RBMS3: variants seen among roughly 807,000 people sequenced by gnomAD.
RBMS3 encodes the protein RNA-binding motif, single-stranded-interacting protein 3.
In RBMS3, 27 loss-of-function variants were observed where a neutral mutation model predicts 66.8. That is an observed-to-expected ratio of 0.40 (90% CI 0.30 to 0.56). RBMS3 has a LOEUF of 0.56. Among genes scored for constraint, RBMS3 ranks in the 20% least tolerant of loss-of-function variants. The probability of loss-of-function intolerance (pLI) is 0.40; values close to 1 mark genes in which losing one functional copy is unlikely to be tolerated. For synonymous variants in RBMS3, 188 were observed against 183.0 expected (o/e 1.03, Z -0.22); for missense variants, 513 against 549.5 (o/e 0.93, Z 0.66).
intron 1 of RBMS3, among the ~76,000 whole-genome samples, chr3:29,300,200 A>G (rs1441475254): frequency 6.6e-6 from 1 of 151,994 alleles, no homozygotes; most frequent in Non-Finnish European, 1.5e-5. Context: ...ACTTTCACTC[A>G]TTGTTCATCC....
intron 1 of RBMS3, among the ~76,000 whole-genome samples, chr3:29,347,052 G>T (rs2036618500): frequency 1.3e-5 from 2 of 152,056 alleles, no homozygotes; most frequent in Admixed American, 6.6e-5. Flanking sequence ...AATGCCTTTG[G>T]CTACATGAAC....
chr3:29,364,802 T>A (rs1002690672), intron 1 of RBMS3, among the ~76,000 whole-genome samples: 1 of 152,184 alleles, frequency 6.6e-6, no homozygotes, highest in Non-Finnish European at 1.5e-5. Flanking sequence ...CAGGTGCATA[T>A]CCTTTTATGC....
At chr3:29,871,776 G>GT (rs1487419552) in intron 7 of RBMS3, among the ~76,000 whole-genome samples, 1 of 152,090 alleles carries the variant, frequency 6.6e-6, no homozygotes, top group Non-Finnish European at 1.5e-5. Flanking sequence ...TAGATTACAA[G>GT]TATTTTAGAA....
At chr3:29,655,193 G>A (rs1304816615) in intron 4 of RBMS3, among the ~76,000 whole-genome samples, 1 of 152,180 alleles carries the variant, frequency 6.6e-6, no homozygotes, top group South Asian at 2.1e-4. Flanking sequence ...TTCTCCCTGG[G>A]TGGAAGAACA....
Position 29,995,678 on chromosome 3 carries a change from G to T in RBMS3, c.1307+4469G>T, listed in dbSNP as rs13093515. ...TATCCAGCCAAACTAAGCTTCATAAGTGAAGGAGAAATAAAATCCTTTACA... is the reference window on the plus strand; with the variant it reads ...TATCCAGCCAAACTAAGCTTCATAATTGAAGGAGAAATAAAATCCTTTACA... On this transcript the variant is annotated intron_variant, in intron 14 of 14. Transcript: ENST00000383767. Among the ~76,000 whole-genome samples the T allele has an allele frequency of 6.1e-3, 929 of 152,214 alleles. 3 individuals are homozygous for T. The highest frequency in any genetic ancestry group is 9.7e-3 in the Non-Finnish European group (662 of 68,020).
intron 2 of RBMS3, among the ~76,000 whole-genome samples, chr3:29,469,752 G>A (rs1039219325): frequency 6.6e-6 from 1 of 151,242 alleles, no homozygotes; most frequent in Admixed American, 6.6e-5. Flanking sequence ...ACAGAACACA[G>A]GGAAGCAGAT....
chr3:29,953,930 A>G (rs1452869132), intron 12 of RBMS3, among the ~76,000 whole-genome samples: 1 of 151,346 alleles, frequency 6.6e-6, no homozygotes, highest in Admixed American at 6.6e-5. Context: ...CCTTCTTCCT[A>G]TCTTCCTCTT....
intron 12 of RBMS3, among the ~76,000 whole-genome samples, chr3:29,947,106 G>A (rs1335416571): frequency 6.6e-6 from 1 of 151,520 alleles, no homozygotes; most frequent in African/African-American, 2.4e-5. Flanking sequence ...TCAATGAGAT[G>A]TACTAACTAC....
intron 1 of RBMS3, among the ~76,000 whole-genome samples, chr3:29,293,435 G>C (rs570061227): frequency 6.6e-6 from 1 of 151,842 alleles, no homozygotes; most frequent in Admixed American, 6.6e-5. Flanking sequence ...GAGCAGGTCA[G>C]TTGAGGGTAT....
At chr3:29,762,319 G>C (rs1228565124) in intron 5 of RBMS3, among the ~76,000 whole-genome samples, 1 of 106,858 alleles carries the variant, frequency 9.4e-6, no homozygotes, top group Non-Finnish European at 2.0e-5. Flanking sequence ...CAATAAAAAT[G>C]TCATAATGCT....
chr3:29,736,397 C>T (rs1362278815), intron 4 of RBMS3, among the ~76,000 whole-genome samples: 1 of 152,188 alleles, frequency 6.6e-6, no homozygotes, highest in Non-Finnish European at 1.5e-5. Context: ...ATTTATGGTA[C>T]ACCATTTTGA....
chr3:29,955,626 T>C, intron 12 of RBMS3, among the ~76,000 whole-genome samples: 1 of 152,062 alleles, frequency 6.6e-6, no homozygotes. Context: ...CATTTGTTTA[T>C]GTGTGAAGGA....
intron 6 of RBMS3, among the ~76,000 whole-genome samples, chr3:29,813,630 T>C (rs2057788242): frequency 6.6e-6 from 1 of 152,176 alleles, no homozygotes; most frequent in South Asian, 2.1e-4. Context: ...TGTTCTTCCA[T>C]TTGTTTCTAT....
intron 10 of RBMS3, among the ~76,000 whole-genome samples, chr3:29,930,408 G>C (rs1392635347): frequency 4.0e-5 from 6 of 151,664 alleles, no homozygotes; most frequent in African/African-American, 1.5e-4. Flanking sequence ...CACTGCGCCC[G>C]GCCTACTTTG....
At chr3:29,992,616 A>G (rs1428727569) in intron 14 of RBMS3, among the ~76,000 whole-genome samples, 1 of 152,068 alleles carries the variant, frequency 6.6e-6, no homozygotes, top group African/African-American at 2.4e-5. Flanking sequence ...AAAAAGAACT[A>G]TAGGTATTAA....
At chr3:29,283,423 A>T (rs1260054264) in intron 1 of RBMS3, among the ~76,000 whole-genome samples, 4 of 152,142 alleles carry the variant, frequency 2.6e-5, no homozygotes, top group Non-Finnish European at 5.9e-5. Flanking sequence ...ACATTTTTTC[A>T]AAGACACAGG....
intron 3 of RBMS3, among the ~76,000 whole-genome samples, chr3:29,537,223 T>C (rs2045590208): frequency 6.6e-6 from 1 of 152,216 alleles, no homozygotes; most frequent in Admixed American, 6.5e-5. Flanking sequence ...AATGGACTAT[T>C]GGCACATTTT....
At chr3:29,790,311 T>C (rs2056961882) in intron 6 of RBMS3, among the ~76,000 whole-genome samples, 1 of 152,212 alleles carries the variant, frequency 6.6e-6, no homozygotes, top group Non-Finnish European at 1.5e-5. Context: ...TATTTAGCGC[T>C]CACATGATAT....
At chr3:29,662,546 C>G (rs763947455) in intron 4 of RBMS3, among the ~76,000 whole-genome samples, 1 of 152,134 alleles carries the variant, frequency 6.6e-6, no homozygotes, top group East Asian at 1.9e-4. Context: ...AGTGACAGAG[C>G]CAACCTGTTA....
Sources: allele counts gnomAD v4.1 joint callset (sites outside exome capture counted in the v4.1 genomes callset), GRCh38; gene constraint gnomAD v4.1.1; transcripts MANE v1.5; gene names NCBI Gene and HGNC (gene_info 2026-07-23, HGNC 2026-07-21).